PSME4: variants seen among roughly 807,000 people sequenced by gnomAD.
PSME4 encodes proteasome activator subunit 4.
PSME4 carries 89 observed loss-of-function variants against 253.9 expected under a neutral mutation model. The ratio of observed to expected loss-of-function variants is 0.35; its 90% confidence interval spans 0.30 to 0.42. The LOEUF (loss-of-function observed/expected upper bound fraction) is 0.42, where lower values mean the gene tolerates loss of function less well. Among genes scored for constraint, PSME4 ranks in the 10% least tolerant of loss-of-function variants. PSME4 has a pLI of 1.00. For missense variants in PSME4, 2,014 were observed against 2,195.2 expected (o/e 0.92, Z 1.65); for synonymous variants, 851 against 759.2 (o/e 1.12, Z -1.99).
chr2:53,868,516 AT>A (rs533839900), intron 44 of PSME4, among the ~76,000 whole-genome samples: 1 of 59,746 alleles, frequency 1.7e-5, no homozygotes, highest in Admixed American at 2.1e-4. Flanking sequence ...TATAAAATAT[AT>A]TTATAATATA....
At chr2:53,961,025 T>C (rs1176686764) in intron 1 of PSME4, among the ~76,000 whole-genome samples, 3 of 152,140 alleles carry the variant, frequency 2.0e-5, no homozygotes, top group Admixed American at 6.5e-5. Flanking sequence ...GAGAATCGCT[T>C]GAACCTGGGA....
chr2:53,873,532 A>G (rs1678991224), intron 43 of PSME4, among the ~76,000 whole-genome samples: 1 of 152,222 alleles, frequency 6.6e-6, no homozygotes, highest in Admixed American at 6.5e-5. Flanking sequence ...GTAGTATCTC[A>G]TGCCATATTT....
At chr2:53,961,804 G>A (rs1358496961) in intron 1 of PSME4, among the ~76,000 whole-genome samples, 1 of 152,088 alleles carries the variant, frequency 6.6e-6, no homozygotes, top group African/African-American at 2.4e-5. Context: ...AGGTACACTC[G>A]CCAGCAGTTT....
rs114352316 is a variant in PSME4, at chr2:53,927,143, A to T, written c.1593+251T>A. On this transcript the variant is annotated intron_variant, in intron 12 of 46. Transcript: ENST00000404125. ...TCTTTTGCTTAACAAAACATTGAAA[A>T]GTGACATAAAACTGAAATACACCTC... 3.1e-3 allele frequency among the ~76,000 whole-genome samples: 476 copies of T among 152,358 alleles called. 2 individuals carry two copies. Among genetic ancestry groups the T allele is most frequent in the Middle Eastern group, 6.8e-3 (2 of 294 alleles).
chr2:53,881,402 G>A (rs1679384875), intron 41 of PSME4: 2 of 152,180 alleles, frequency 1.3e-5, no homozygotes, highest in East Asian at 3.9e-4. Flanking sequence ...GCCCTTAATT[G>A]TTCCAAATTA....
At chr2:53,881,686 G>C (rs778924829) in intron 41 of PSME4, among the ~76,000 whole-genome samples, 1 of 151,938 alleles carries the variant, frequency 6.6e-6, no homozygotes, top group Non-Finnish European at 1.5e-5. Context: ...CAGGGTTCAA[G>C]TGATTCTCCT....
intron 1 of PSME4, among the ~76,000 whole-genome samples, chr2:53,950,870 G>T (rs531748138): frequency 6.6e-6 from 1 of 151,054 alleles, no homozygotes; most frequent in Admixed American, 6.6e-5. Context: ...AAAGAAAAAG[G>T]TGTCCCAAAA....
chr2:53,897,641 G>A lies in PSME4; in HGVS notation c.3606+229C>T, dbSNP rs1680203116. ...TCTAATTGTTAAATCTTTCCCATTAGCCTATAAACTTATTTCCTGCTATAT... is the reference window on the plus strand; with the variant it reads ...TCTAATTGTTAAATCTTTCCCATTAACCTATAAACTTATTTCCTGCTATAT... On this transcript the variant is annotated intron_variant, in intron 31 of 46. Coordinates refer to ENST00000404125, the MANE Select transcript of PSME4 (RefSeq NM_014614.3). Among the ~76,000 whole-genome samples the A allele has an allele frequency of 2.6e-5, 4 of 152,196 alleles. No individual in the cohort carries two copies. The South Asian group carries it at 8.3e-4, about 32-fold the overall frequency.
chr2:53,958,845 T>A (rs575947249), intron 1 of PSME4, among the ~76,000 whole-genome samples: 152 of 149,264 alleles, frequency 1.0e-3, no homozygotes, highest in Admixed American at 3.6e-3. Flanking sequence ...TCAGGAGCCT[T>A]CCTGTATAGC....
rs139410535 is a variant in PSME4 at position 53,962,375 on chromosome 2, G to T, written c.242+8168C>A. On this transcript the variant is annotated intron_variant, in intron 1 of 46. Coordinates refer to ENST00000404125, the MANE Select transcript of PSME4 (RefSeq NM_014614.3). The stretch of plus-strand genomic sequence containing the variant: ...AAAAACAGTTCTTAGAAGTTATATA[G>T]TTATATGCTTATTTACAAGCTTGCC... Among the ~76,000 whole-genome samples, 1,064 of 116,502 alleles carry T rather than the reference G, an allele frequency of 9.1e-3. 24 individuals carry two copies. The highest frequency in any genetic ancestry group is 0.034 in the African/African-American group (1,015 of 29,592). The allele number at this position is 116,502 out of a possible 152,430, so 76.4% of individuals were successfully genotyped here.
At position 53,904,001 on chromosome 2, in the gene PSME4, T is replaced by G. The variant is rs1280271683; in HGVS notation, c.3075+24A>C. The G allele has an allele frequency of 1.9e-6, 3 of 1,575,780 alleles. No homozygotes were observed. In the African/African-American group the frequency reaches 4.1e-5, roughly 21 times the overall value. On this transcript the variant is annotated intron_variant, in intron 27 of 46. Coordinates refer to ENST00000404125, the MANE Select transcript of PSME4 (RefSeq NM_014614.3). ...TCAGTATGTTTGAAAATGTTTACAGTAAAATAGGAAAAAAACCCTATACCT... is the reference window on the plus strand; with the variant it reads ...TCAGTATGTTTGAAAATGTTTACAGGAAAATAGGAAAAAAACCCTATACCT...
rs548164434 is a variant in PSME4 at position 53,920,975 on chromosome 2, G to A, written c.2176C>T (p.Arg726Cys). 7.4e-6 allele frequency: 12 copies of A among 1,613,892 alleles called. No individual in the cohort carries two copies. Among genetic ancestry groups the A allele is most frequent in the Admixed American group, 5.0e-5 (3 of 59,998 alleles). The change falls in exon 18 of 47, where the codon CGT (arginine) becomes TGT (cysteine). Residue 726 changes from arginine (R) to cysteine (C), a missense_variant. By Grantham distance (180) the Arg-to-Cys change is radical. This residue lies in a region of PSME4 where 989 missense variants were observed against 1,021.1 expected (regional missense o/e 0.97). Coordinates refer to ENST00000404125, the MANE Select transcript of PSME4 (RefSeq NM_014614.3). Reference protein sequence around the residue: ...LSCNLLHHLLRSTTLIYPTEY... With the variant: ...LSCNLLHHLLCSTTLIYPTEY... ...GTAGGGTAGATAAGTGTGGTAGAACGGAGAAGATGATGCAAAAGGTTACAA... is the reference window on the plus strand; with the variant it reads ...GTAGGGTAGATAAGTGTGGTAGAACAGAGAAGATGATGCAAAAGGTTACAA...
rs181881599 is a variant in PSME4, at chr2:53,927,043, C to T, written c.1593+351G>A. Reference sequence around the variant, plus strand: ...CCAGACAGAAATGAATGAAGAAAATCTTTCTTCATTAAATGTCAATCCCTT... The same window carrying T: ...CCAGACAGAAATGAATGAAGAAAATTTTTCTTCATTAAATGTCAATCCCTT... On this transcript the variant is annotated intron_variant, in intron 12 of 46. Coordinates refer to ENST00000404125, the MANE Select transcript of PSME4 (RefSeq NM_014614.3). Among the ~76,000 whole-genome samples, 65 of 151,230 alleles carry T rather than the reference C, an allele frequency of 4.3e-4. 1 individual carries two copies. The East Asian group carries it at 7.7e-3, about 18-fold the overall frequency.
chr2:53,927,264 A>G, intron 12 of PSME4, 130 bp downstream of exon 12: 3 of 679,130 alleles, frequency 4.4e-6, no homozygotes, highest in Non-Finnish European at 7.7e-6. Context: ...CTGGCCCTCC[A>G]TATGTACCAT....
chr2:53,887,592 T>C (rs1679698789), intron 39 of PSME4, 125 bp from the exon 40 acceptor site: 3 of 950,508 alleles, frequency 3.2e-6, no homozygotes, highest in South Asian at 1.8e-5. Context: ...TCTTAGATTA[T>C]GCCTGTGTGT....
intron 1 of PSME4, among the ~76,000 whole-genome samples, chr2:53,953,037 AG>A (rs1200532519): frequency 6.6e-6 from 1 of 152,214 alleles, no homozygotes; most frequent in African/African-American, 2.4e-5. Context: ...AGAGACCAAC[AG>A]GGGGATTCCT....
intron 12 of PSME4, among the ~76,000 whole-genome samples, chr2:53,927,161 T>G (rs1390312801): frequency 6.6e-6 from 1 of 152,166 alleles, no homozygotes; most frequent in Non-Finnish European, 1.5e-5. Context: ...AAAACTGAAA[T>G]ACACCTCCAG....
intron 10 of PSME4, among the ~76,000 whole-genome samples, chr2:53,929,173 A>G (rs1187204367): frequency 6.6e-6 from 1 of 151,024 alleles, no homozygotes; most frequent in Non-Finnish European, 1.5e-5. Flanking sequence ...CTCAAAAAAA[A>G]ACCAAAAGAA....
Position 53,921,100 on chromosome 2 carries a change from G to A in PSME4, c.2051C>T (p.Thr684Ile), listed in dbSNP as rs2104451315. ...LWNLQLLSEI[T>I]RVDGRKLLLY... ...AAGCAACTTCCTTCCATCCACTCGA[G>A]TAATCTAAAAGGAGGGAAAAAATAG... Residue 684 changes from threonine to isoleucine, a missense_variant, in exon 18 of 47, where the codon ACT (threonine) becomes ATT (isoleucine). This residue lies in a region of PSME4 where 989 missense variants were observed against 1,021.1 expected (regional missense o/e 0.97). Coordinates refer to ENST00000404125, the MANE Select transcript of PSME4 (RefSeq NM_014614.3). 1.2e-6 allele frequency: 2 copies of A among 1,613,436 alleles called. No homozygotes were observed. The highest frequency in any genetic ancestry group is 2.2e-5 in the East Asian group (1 of 44,844).
Sources: gnomAD v4.1 joint callset for allele counts (sites outside exome capture counted in the v4.1 genomes callset) on GRCh38, gnomAD v4.1.1 for gene constraint, gnomAD v4.1.1 regional missense constraint, MANE v1.5 for transcripts, NCBI Gene and HGNC (gene_info 2026-07-23, HGNC 2026-07-21) for gene names.